The following LRRC1 variants were observed in gnomAD, a reference collection of about 807,000 sequenced individuals.
The protein encoded by LRRC1 is leucine rich repeat containing 1.
LRRC1 carries 28 observed loss-of-function variants against 69.9 expected under a neutral mutation model. That is an observed-to-expected ratio of 0.40 (90% CI 0.30 to 0.55). LRRC1 has a LOEUF of 0.55. Among genes scored for constraint, LRRC1 ranks in the 20% least tolerant of loss-of-function variants. LRRC1 has a pLI of 0.47. For missense variants in LRRC1, 498 were observed against 609.0 expected, an observed-to-expected ratio of 0.82 and a Z score of 1.92; for synonymous variants, 236 against 240.2, an observed-to-expected ratio of 0.98 and a Z score of 0.16.
chr6:53,834,809 T>A (rs1325026861), intron 1 of LRRC1, among the ~76,000 whole-genome samples: 3 of 152,014 alleles, frequency 2.0e-5, no homozygotes, highest in African/African-American at 7.2e-5. Flanking sequence ...CCATCTCTAC[T>A]AAACATACAA....
chr6:53,904,285 G>C (rs892922280), intron 9 of LRRC1, 94 bp from the exon 10 acceptor site: 1 of 721,130 alleles, frequency 1.4e-6, no homozygotes, highest in African/African-American at 1.8e-5. Context: ...TGCTGGATGA[G>C]ATTATATTCT....
chr6:53,828,809 G>T (rs1765344492), intron 1 of LRRC1, among the ~76,000 whole-genome samples: 1 of 152,062 alleles, frequency 6.6e-6, no homozygotes, highest in South Asian at 2.1e-4. Flanking sequence ...TTTTGAAAAT[G>T]AAAGAAGTCT....
At chr6:53,905,676 TG>T (rs1428570152) in intron 10 of LRRC1, among the ~76,000 whole-genome samples, 2 of 152,212 alleles carry the variant, frequency 1.3e-5, no homozygotes, top group Admixed American at 1.3e-4. Flanking sequence ...TCAGGGTATC[TG>T]AACTTCCTCT....
intron 1 of LRRC1, among the ~76,000 whole-genome samples, chr6:53,804,486 C>T (rs935252655): frequency 2.4e-4 from 36 of 152,122 alleles, no homozygotes; most frequent in Non-Finnish European, 1.0e-4. Context: ...AAAAATAGAA[C>T]TCCCACTATA....
intron 1 of LRRC1, among the ~76,000 whole-genome samples, chr6:53,833,006 C>G (rs1056624891): frequency 6.6e-6 from 1 of 152,016 alleles, no homozygotes; most frequent in East Asian, 1.9e-4. Context: ...ATTTGCCATC[C>G]TGTGTTTAAT....
chr6:53,885,588 T>C (rs1767446395), intron 4 of LRRC1, among the ~76,000 whole-genome samples: 2 of 152,198 alleles, frequency 1.3e-5, no homozygotes, highest in Admixed American at 6.5e-5. Flanking sequence ...CACATTAGCA[T>C]TGGCCTCTCA....
At chr6:53,867,227 A>G (rs1195123492) in intron 2 of LRRC1, among the ~76,000 whole-genome samples, 1 of 152,000 alleles carries the variant, frequency 6.6e-6, no homozygotes, top group Non-Finnish European at 1.5e-5. Flanking sequence ...CATTTGTGCA[A>G]AGTGTTGAGA....
intron 4 of LRRC1, among the ~76,000 whole-genome samples, chr6:53,890,278 A>G (rs1767632408): frequency 2.0e-5 from 3 of 152,230 alleles, no homozygotes; most frequent in Non-Finnish European, 4.4e-5. Context: ...ATGTAATGAA[A>G]TAGTCCAGTA....
At chr6:53,849,311 G>A (rs1021477721) in intron 2 of LRRC1, among the ~76,000 whole-genome samples, 2 of 152,086 alleles carry the variant, frequency 1.3e-5, no homozygotes, top group Admixed American at 1.3e-4. Flanking sequence ...GGATTTAACC[G>A]AACAGGCTAA....
At chr6:53,874,017 C>T (rs1184915833) in intron 2 of LRRC1, among the ~76,000 whole-genome samples, 3 of 152,184 alleles carry the variant, frequency 2.0e-5, no homozygotes, top group African/African-American at 7.2e-5. Flanking sequence ...ACTTTTCAGA[C>T]CATGGCAAGC....
At chr6:53,884,017 G>A in intron 4 of LRRC1, 1 of 717,634 alleles carries the variant, frequency 1.4e-6, no homozygotes, top group Non-Finnish European at 2.6e-6. Flanking sequence ...GTACACTGAT[G>A]TTTTATCTTT....
chr6:53,855,909 T>C (rs1487978133), intron 2 of LRRC1, among the ~76,000 whole-genome samples: 1 of 152,200 alleles, frequency 6.6e-6, no homozygotes, highest in Non-Finnish European at 1.5e-5. Context: ...CCTTCAGTTT[T>C]GAACAATTGG....
intron 2 of LRRC1, among the ~76,000 whole-genome samples, chr6:53,878,529 A>G (rs1767150216): frequency 6.6e-6 from 1 of 152,172 alleles, no homozygotes. Flanking sequence ...GGCAGTTGAC[A>G]ATAGGGCTCA....
At chr6:53,839,572 A>AT (rs1444095720) in intron 1 of LRRC1, among the ~76,000 whole-genome samples, 1 of 152,138 alleles carries the variant, frequency 6.6e-6, no homozygotes, top group Non-Finnish European at 1.5e-5. Context: ...ATTTGCCTCC[A>AT]TATTGCTAAA....
intron 1 of LRRC1, among the ~76,000 whole-genome samples, chr6:53,834,218 CT>C (rs1288234088): frequency 6.6e-6 from 1 of 152,166 alleles, no homozygotes. Flanking sequence ...CTCTGTGCCC[CT>C]GATCCTCTAG....
chr6:53,815,035 G>A (rs148086091), intron 1 of LRRC1, among the ~76,000 whole-genome samples: 12 of 147,770 alleles, frequency 8.1e-5, no homozygotes, highest in South Asian at 2.2e-4. Context: ...CACAACAGTC[G>A]TTTGGACTGA....
intron 8 of LRRC1, among the ~76,000 whole-genome samples, chr6:53,900,465 A>G (rs1388382022): frequency 6.6e-6 from 1 of 152,192 alleles, no homozygotes; most frequent in Non-Finnish European, 1.5e-5. Flanking sequence ...GCATCGATTC[A>G]TCTCTACTTC....
intron 1 of LRRC1, among the ~76,000 whole-genome samples, chr6:53,805,724 A>T (rs1764618577): frequency 6.6e-6 from 1 of 152,240 alleles, no homozygotes; most frequent in Non-Finnish European, 1.5e-5. Flanking sequence ...GATAGAATGT[A>T]CCCACTACAG....
At chr6:53,859,312 T>C (rs1387414462) in intron 2 of LRRC1, among the ~76,000 whole-genome samples, 1 of 152,224 alleles carries the variant, frequency 6.6e-6, no homozygotes, top group African/African-American at 2.4e-5. Flanking sequence ...TGGAACCACC[T>C]ATATAGAATT....
Sources: allele counts gnomAD v4.1 joint callset (sites outside exome capture counted in the v4.1 genomes callset), GRCh38; gene constraint gnomAD v4.1.1; transcripts MANE v1.5; gene names NCBI Gene and HGNC (gene_info 2026-07-23, HGNC 2026-07-21).